Variants in PRKAG3 observed in about 807,000 individuals in gnomAD.
PRKAG3 encodes protein kinase AMP-activated non-catalytic subunit gamma 3, also known as 5'-AMP-activated protein kinase subunit gamma-3.
In PRKAG3, 39 loss-of-function variants were observed where a neutral mutation model predicts 56.5. That is an observed-to-expected ratio of 0.69 (90% CI 0.53 to 0.90). PRKAG3 has a LOEUF of 0.90. Among genes scored for constraint, PRKAG3 ranks in the 40% least tolerant of loss-of-function variants. The pLI is 0.00. For synonymous variants in PRKAG3, 243 were observed against 250.1 expected, an observed-to-expected ratio of 0.97 and a Z score of 0.27; for missense variants, 628 against 627.5, an observed-to-expected ratio of 1.00 and a Z score of -0.01.
intron 2 of PRKAG3, 145 bp from the exon 3 acceptor site, chr2:218,831,046 T>C (rs1944012344): frequency 9.2e-7 from 1 of 1,091,868 alleles, no homozygotes; most frequent in Admixed American, 1.9e-5. Flanking sequence ...AGCAGCCTTA[T>C]AAAGCAGGCA....
chr2:218,828,166 A>C (rs1319121043), intron 5 of PRKAG3, 104 bp from the exon 6 acceptor site: 4 of 1,116,176 alleles, frequency 3.6e-6, no homozygotes, highest in South Asian at 1.5e-5. Context: ...GTGCTGAGAC[A>C]CAGTGGGGAC....
chr2:218,822,542 C>G (rs537880947), downstream of PRKAG3: 1 of 152,246 alleles, frequency 6.6e-6, no homozygotes, highest in African/African-American at 2.4e-5. Flanking sequence ...GTTTTGTTTT[C>G]TCAATTGCTC....
At chr2:218,829,208 GAAT>G (rs1444839655) in intron 4 of PRKAG3, among the ~76,000 whole-genome samples, 4 of 152,088 alleles carry the variant, frequency 2.6e-5, no homozygotes, top group African/African-American at 9.7e-5. Flanking sequence ...ACAATGATAA[GAAT>G]AAGATTATAG....
At chr2:218,824,648 T>C in intron 10 of PRKAG3, 72 bp from the exon 11 acceptor site, 2 of 1,376,048 alleles carry the variant, frequency 1.5e-6, no homozygotes, top group Non-Finnish European at 2.1e-6. Context: ...CGGGGTGCTG[T>C]GTAGAGGGCC....
Position 218,827,964 on chromosome 2 carries a change from C to G in PRKAG3, c.774+40G>C, listed in dbSNP as rs753723065. ...CCAGGAGGACTCCCCTCCGCCCCCG[C>G]CCCTCTGGGTGCCCATAAGATTCCC... On this transcript the variant is annotated intron_variant, in intron 6 of 12. Coordinates refer to ENST00000529249, the Ensembl canonical transcript of PRKAG3. The surrounding 1 kb of genome is among the most constrained non-coding windows in gnomAD (Gnocchi z 5.3). 2.1e-5 allele frequency: 34 copies of G among 1,594,696 alleles called. No individual in the cohort carries two copies. Among genetic ancestry groups the G allele is most frequent in the Middle Eastern group, 1.7e-4 (1 of 6,038 alleles).
At chr2:218,831,350 C>T (rs779124754) in exon 2 of PRKAG3, 13 of 1,601,858 alleles carry the variant, frequency 8.1e-6, no homozygotes, top group Non-Finnish European at 9.4e-6. Context: ...ATGCTCAGAA[C>T]CCCCAAGGCT....
rs1349169268 is a variant in PRKAG3 at position 218,827,823 on chromosome 2, C to A, written c.820+10G>T. 1.9e-6 allele frequency: 3 copies of A among 1,613,586 alleles called. No individual in the cohort carries two copies. The highest frequency in any genetic ancestry group is 1.6e-4 in the Middle Eastern group (1 of 6,084). The stretch of plus-strand genomic sequence containing the variant: ...CCAACAGCCCTTTCCGGGTTCCTCT[C>A]CCCACTCACCCCTCCAGGTCTCAAT... On this transcript the variant is annotated intron_variant, in intron 7 of 12. Transcript: ENST00000529249. This position sits in a 1 kb window ranked among gnomAD's most constrained non-coding sequence, Gnocchi z 5.3.
intron 4 of PRKAG3, among the ~76,000 whole-genome samples, chr2:218,829,170 C>T (rs758507709): frequency 5.9e-5 from 9 of 151,992 alleles, no homozygotes; most frequent in African/African-American, 9.7e-5. Flanking sequence ...ATACATACAC[C>T]GTGTTTTGGG....
chr2:218,826,673 A>G, intron 10 of PRKAG3: 1 of 510,624 alleles, frequency 2.0e-6, no homozygotes, highest in Non-Finnish European at 3.6e-6. Context: ...TTTCATGCAC[A>G]TAACCTTTTA....
chr2:218,829,915 G>A, intron 4 of PRKAG3, 63 bp downstream of exon 4: 1 of 1,526,956 alleles, frequency 6.5e-7, no homozygotes, highest in Non-Finnish European at 8.8e-7. Flanking sequence ...CAGGGTGGGA[G>A]TGGCGGCTGC....
At chr2:218,825,169 T>C (rs1984939) in intron 10 of PRKAG3, among the ~76,000 whole-genome samples, 6,173 of 151,988 alleles carry the variant, frequency 0.041, 428 homozygotes, top group African/African-American at 0.14. Flanking sequence ...ACCCCATCTC[T>C]ACTAAAGATA....
At chr2:218,830,319 G>GTGTGGTCTTGGGGAA in exon 4 of PRKAG3, 3 of 1,612,160 alleles carry the variant, frequency 1.9e-6, no homozygotes, top group Non-Finnish European at 2.5e-6. Context: ...TGAGCCAAGG[G>GTGTGGTCTTGGGGAA]TGTGGTCTTG....
exon 11 of PRKAG3, chr2:218,824,568 C>G (rs375349598): frequency 6.2e-7 from 1 of 1,612,244 alleles, no homozygotes; most frequent in Admixed American, 1.7e-5. Flanking sequence ...TAGAGGCCCA[C>G]GACCTGACCT....
At chr2:218,823,860 C>T (rs1322094847) in exon 13 of PRKAG3, 1 of 1,614,110 alleles carries the variant, frequency 6.2e-7, no homozygotes, top group East Asian at 2.2e-5. Flanking sequence ...GTCTCGTCCA[C>T]TAGCACCAGC....
rs369764452 is a variant in PRKAG3 at position 218,827,538 on chromosome 2, G to T, written c.875+37C>A. ...GTGGGACTGGGGAAGGGGACTGTGG[G>T]AGGAGGAGGCTCAGGTGAATGAGCA... On this transcript the variant is annotated intron_variant, in intron 8 of 12. Coordinates refer to ENST00000529249, the Ensembl canonical transcript of PRKAG3. The surrounding 1 kb of genome is among the most constrained non-coding windows in gnomAD (Gnocchi z 5.3). The T allele has an allele frequency of 5.6e-6, 9 of 1,608,176 alleles. No homozygotes were observed. Among genetic ancestry groups the T allele is most frequent in the Non-Finnish European group, 7.7e-6 (9 of 1,174,768 alleles).
chr2:218,824,462 C>T, intron 11 of PRKAG3, 77 bp downstream of exon 11: 2 of 1,609,916 alleles, frequency 1.2e-6, no homozygotes, highest in Non-Finnish European at 1.7e-6. Flanking sequence ...CAAGGTCCCC[C>T]TGGTCCACAG....
At chr2:218,828,468 A>G in intron 5 of PRKAG3, 51 bp downstream of exon 5, 9 of 1,460,342 alleles carry the variant, frequency 6.2e-6, no homozygotes, top group East Asian at 2.4e-5. Context: ...ACCGTACAAG[A>G]TCTCCCCCTC....
chr2:218,822,358 A>C (rs1943859370), downstream of PRKAG3: 1 of 152,202 alleles, frequency 6.6e-6, no homozygotes, highest in Admixed American at 6.5e-5. Context: ...AGAAGAAAGA[A>C]ATTTCAGTAG....
exon 3 of PRKAG3, chr2:218,830,766 T>G: frequency 6.2e-7 from 1 of 1,612,474 alleles, no homozygotes; most frequent in Non-Finnish European, 8.5e-7. Flanking sequence ...ACCTGGTGGC[T>G]CCCCTTCCTC....
Sources: gnomAD v4.1 joint callset for allele counts (sites outside exome capture counted in the v4.1 genomes callset) on GRCh38, gnomAD v4.1.1 for gene constraint, Gnocchi (gnomAD v3.1) non-coding constraint, MANE v1.5 for transcripts, NCBI Gene and HGNC (gene_info 2026-07-23, HGNC 2026-07-21) for gene names.